The following CNTNAP4 variants were observed in gnomAD, a reference collection of about 807,000 sequenced individuals.
CNTNAP4 encodes the protein contactin-associated protein-like 4.
Under a neutral mutation model 148.4 loss-of-function variants are expected in CNTNAP4, and 98 were observed. That is an observed-to-expected ratio of 0.66 (90% CI 0.56 to 0.78). The LOEUF (loss-of-function observed/expected upper bound fraction) is 0.78, where lower values mean the gene tolerates loss of function less well. CNTNAP4 is among the 30% of genes least tolerant of loss of function. The probability of loss-of-function intolerance (pLI) is 0.00; values close to 1 mark genes in which losing one functional copy is unlikely to be tolerated. For synonymous variants in CNTNAP4, 730 were observed against 565.1 expected (o/e 1.29, Z -4.14); for missense variants, 1,935 against 1,565.6 (o/e 1.24, Z -3.98).
chr16:76,329,100 C>T (rs1052700995), intron 2 of CNTNAP4, among the ~76,000 whole-genome samples: 4 of 152,024 alleles, frequency 2.6e-5, no homozygotes, highest in African/African-American at 7.2e-5. Context: ...TGCAAAATGT[C>T]AATATGAAAA....
At chr16:76,475,598 G>A (rs1454477113) in intron 10 of CNTNAP4, among the ~76,000 whole-genome samples, 1 of 152,076 alleles carries the variant, frequency 6.6e-6, no homozygotes, top group East Asian at 1.9e-4. Context: ...TTCAAACAAT[G>A]TAGCAATTCA....
At chr16:76,415,555 T>C (rs1824209052) in intron 3 of CNTNAP4, among the ~76,000 whole-genome samples, 2 of 151,120 alleles carry the variant, frequency 1.3e-5, no homozygotes, top group African/African-American at 4.8e-5. Flanking sequence ...TTTGAAATCA[T>C]TTTTATTGAG....
chr16:76,387,850 A>G (rs919265525), intron 3 of CNTNAP4, among the ~76,000 whole-genome samples: 3 of 152,212 alleles, frequency 2.0e-5, no homozygotes, highest in Non-Finnish European at 4.4e-5. Context: ...CAATAAATGT[A>G]AAGTGATTGC....
chr16:76,532,287 A>C (rs559936064), intron 17 of CNTNAP4, among the ~76,000 whole-genome samples: 101 of 152,352 alleles, frequency 6.6e-4, no homozygotes, highest in Non-Finnish European at 1.1e-3. Flanking sequence ...ATGGAAGGCT[A>C]TCTGTGGGTC....
At chr16:76,524,948 T>C (rs1424461895) in intron 17 of CNTNAP4, among the ~76,000 whole-genome samples, 1 of 151,874 alleles carries the variant, frequency 6.6e-6, no homozygotes, top group Admixed American at 6.6e-5. Context: ...AGTGTGGTGA[T>C]ACTAAGGGAA....
At chr16:76,442,645 G>A (rs148179895) in intron 4 of CNTNAP4, among the ~76,000 whole-genome samples, 2 of 152,110 alleles carry the variant, frequency 1.3e-5, no homozygotes, top group East Asian at 3.9e-4. Flanking sequence ...TTGCTTTATA[G>A]CAACACACTC....
At chr16:76,477,042 C>A (rs2081611672) in intron 11 of CNTNAP4, among the ~76,000 whole-genome samples, 1 of 151,688 alleles carries the variant, frequency 6.6e-6, no homozygotes, top group South Asian at 2.1e-4. Context: ...TGATGCTCAC[C>A]CTAGTAGGTG....
chr16:76,515,648 T>C (rs928852144), intron 15 of CNTNAP4, among the ~76,000 whole-genome samples: 24 of 152,144 alleles, frequency 1.6e-4, no homozygotes, highest in Admixed American at 6.5e-4. Flanking sequence ...ACTAACACAA[T>C]GGGCAAAAGA....
intron 4 of CNTNAP4, among the ~76,000 whole-genome samples, chr16:76,439,632 T>A (rs1363315064): frequency 6.6e-6 from 1 of 152,150 alleles, no homozygotes; most frequent in Non-Finnish European, 1.5e-5. Flanking sequence ...TGACAAAAAT[T>A]AAGTGAGAAT....
intron 3 of CNTNAP4, among the ~76,000 whole-genome samples, chr16:76,425,225 C>A (rs2079342330): frequency 6.6e-6 from 1 of 152,096 alleles, no homozygotes; most frequent in Admixed American, 6.5e-5. Flanking sequence ...CAGAGGGGAG[C>A]AGTTTTCTGG....
At position 76,558,895 on chromosome 16, in the gene CNTNAP4, T is replaced by G; in HGVS notation, c.*212T>G. 2.4e-6 allele frequency: 1 copy of G among 410,278 alleles called. No individual in the cohort carries two copies. The highest frequency in any genetic ancestry group is 4.3e-6 in the Non-Finnish European group (1 of 231,814). The allele number at this position is 410,278 out of a possible 1,614,324, so 25.4% of individuals were successfully genotyped here. On this transcript the variant is annotated 3_prime_UTR_variant, in exon 24 of 24. Coordinates refer to ENST00000611870, the MANE Select transcript of CNTNAP4 (RefSeq NM_033401.5). ...ATTCTATGGAACAAGAAATTAGATA[T>G]TGCTGTTAATTTTCAACTGTTCTGG...
At chr16:76,495,604 C>T (rs936547177) in intron 14 of CNTNAP4, among the ~76,000 whole-genome samples, 2 of 128,940 alleles carry the variant, frequency 1.6e-5, no homozygotes, top group Admixed American at 9.0e-5. Context: ...TTCCTCTAAG[C>T]AGAGAAGAAT....
intron 17 of CNTNAP4, among the ~76,000 whole-genome samples, chr16:76,530,665 T>A (rs2083939586): frequency 6.6e-6 from 1 of 152,176 alleles, no homozygotes; most frequent in Admixed American, 6.5e-5. Flanking sequence ...GTGACTGAAT[T>A]TTCTTCCCAT....
At chr16:76,330,469 C>T (rs972018317) in intron 2 of CNTNAP4, among the ~76,000 whole-genome samples, 1 of 152,174 alleles carries the variant, frequency 6.6e-6, no homozygotes, top group African/African-American at 2.4e-5. Context: ...TGACTTTCAA[C>T]CCCATCTCCA....
In CNTNAP4 at chr16:76,516,792, G is replaced by T. The variant is rs545847061; in HGVS notation, c.2366-4348G>T. On this transcript the variant is annotated intron_variant, in intron 15 of 23. Coordinates refer to ENST00000611870, the MANE Select transcript of CNTNAP4 (RefSeq NM_033401.5). ...CAAAGAGTAATTCTGGGCCAGAAGTGGTGGCTCACGCCTGTAATCCCAGCA... is the reference window on the plus strand; with the variant it reads ...CAAAGAGTAATTCTGGGCCAGAAGTTGTGGCTCACGCCTGTAATCCCAGCA... 2.0e-5 allele frequency among the ~76,000 whole-genome samples: 3 copies of T among 152,334 alleles called. 1 individual carries two copies. The highest frequency in any genetic ancestry group is 7.2e-5 in the African/African-American group (3 of 41,572).
chr16:76,303,900 G>A (rs559608642), intron 1 of CNTNAP4, among the ~76,000 whole-genome samples: 3 of 152,074 alleles, frequency 2.0e-5, no homozygotes, highest in African/African-American at 4.8e-5. Context: ...ATGTGGTTAC[G>A]AATGTTGAAT....
At chr16:76,484,719 T>C (rs2081964176) in intron 12 of CNTNAP4, among the ~76,000 whole-genome samples, 2 of 152,186 alleles carry the variant, frequency 1.3e-5, no homozygotes, top group African/African-American at 4.8e-5. Context: ...ACTGGTCTCT[T>C]TTCTCACAGC....
In CNTNAP4 at chr16:76,533,902, A is replaced by G. The variant is rs968563472; in HGVS notation, c.2756-1643A>G. Among the ~76,000 whole-genome samples the G allele has an allele frequency of 3.3e-5, 5 of 152,308 alleles. No individual in the cohort carries two copies. The South Asian group carries it at 6.2e-4, about 19-fold the overall frequency. ...CACTGAGGAGAAACCAAGTATGTAA[A>G]TGGAAACATTTTGAATAGACATTTA... is the stretch of plus-strand genomic sequence containing the variant. On this transcript the variant is annotated intron_variant, in intron 17 of 23. Transcript: ENST00000611870.
chr16:76,432,486 C>A (rs2079645785), intron 4 of CNTNAP4: 1 of 152,020 alleles, frequency 6.6e-6, no homozygotes, highest in Non-Finnish European at 1.5e-5. Flanking sequence ...GCCATAGCAG[C>A]AGTGATCCTG....
Sources: gnomAD v4.1 joint callset for allele counts (sites outside exome capture counted in the v4.1 genomes callset) on GRCh38, gnomAD v4.1.1 for gene constraint, MANE v1.5 for transcripts, NCBI Gene and HGNC (gene_info 2026-07-23, HGNC 2026-07-21) for gene names.